The following TLK1 variants were observed in gnomAD, a reference collection of about 807,000 sequenced individuals.
The protein encoded by TLK1 is serine/threonine-protein kinase tousled-like 1.
TLK1 carries 24 observed loss-of-function variants against 105.3 expected under a neutral mutation model. The observed-to-expected ratio is 0.23, with a 90% CI of 0.17 to 0.32. The LOEUF is 0.32. Ranked by LOEUF, TLK1 falls within the 10% of genes least tolerant of loss-of-function variation. TLK1 has a pLI of 1.00. For synonymous variants in TLK1, 321 were observed against 310.4 expected (o/e 1.03, Z -0.36); for missense variants, 558 against 910.5 (o/e 0.61, Z 4.98).
chr2:171,210,060 T>A (rs1693584186), intron 1 of TLK1, among the ~76,000 whole-genome samples: 1 of 152,150 alleles, frequency 6.6e-6, no homozygotes, highest in Non-Finnish European at 1.5e-5. Flanking sequence ...GTGTCATGTC[T>A]TCATTTATGT....
chr2:171,175,008 T>C (rs1033464235), intron 1 of TLK1, among the ~76,000 whole-genome samples: 3 of 152,090 alleles, frequency 2.0e-5, no homozygotes, highest in African/African-American at 7.2e-5. Flanking sequence ...GTTGGGAGGA[T>C]TGCTTGAGGC....
In TLK1 at chr2:171,114,841, A is replaced by G. The variant is rs937393346; in HGVS notation, c.258+2898T>C. ...CAGAGTGAGATCCTGTCTCAGAGGGAAAAAAAAAGAAGAAGAAAGAAACTA... is the reference window on the plus strand; with the variant it reads ...CAGAGTGAGATCCTGTCTCAGAGGGGAAAAAAAAGAAGAAGAAAGAAACTA... On this transcript the variant is annotated intron_variant, in intron 2 of 20. Coordinates refer to ENST00000431350, the MANE Select transcript of TLK1 (RefSeq NM_012290.5). Among the ~76,000 whole-genome samples, 11 of 151,234 alleles carry G rather than the reference A, an allele frequency of 7.3e-5. No homozygotes were observed. In the South Asian group the frequency reaches 1.5e-3, roughly 20 times the overall value.
At chr2:171,129,222 T>G (rs897502606) in intron 1 of TLK1, among the ~76,000 whole-genome samples, 9 of 152,198 alleles carry the variant, frequency 5.9e-5, no homozygotes, top group Admixed American at 5.9e-4. Flanking sequence ...AATAGGTGCT[T>G]CTTGAAATAA....
intron 1 of TLK1, among the ~76,000 whole-genome samples, chr2:171,201,900 T>G (rs749972459): frequency 1.3e-5 from 1 of 76,286 alleles, no homozygotes; most frequent in African/African-American, 5.3e-5. Flanking sequence ...TCAGCTATCA[T>G]CTATCTATCT....
chr2:171,121,163 A>G (rs1690638378), intron 1 of TLK1, among the ~76,000 whole-genome samples: 1 of 152,214 alleles, frequency 6.6e-6, no homozygotes, highest in African/African-American at 2.4e-5. Flanking sequence ...GTAGCACAGT[A>G]TGAATGTACT....
At chr2:171,085,471 A>G (rs1688932645) in intron 2 of TLK1, among the ~76,000 whole-genome samples, 1 of 152,128 alleles carries the variant, frequency 6.6e-6, no homozygotes, top group Admixed American at 6.5e-5. Flanking sequence ...TTAAATGTTC[A>G]ATTAAAAAAA....
At chr2:171,027,883 C>A (rs1456267538) in intron 12 of TLK1, among the ~76,000 whole-genome samples, 2 of 152,130 alleles carry the variant, frequency 1.3e-5, no homozygotes, top group African/African-American at 4.8e-5. Context: ...GTAATTTTGG[C>A]CGGGTGCGAC....
upstream of TLK1, among the ~76,000 whole-genome samples, chr2:171,162,570 A>G (rs1295646458): frequency 3.3e-5 from 5 of 152,148 alleles, no homozygotes; most frequent in African/African-American, 1.2e-4. Context: ...AAAGTGTACA[A>G]TTTGATAAGT....
At chr2:171,146,866 C>T (rs1345742554) in intron 1 of TLK1, among the ~76,000 whole-genome samples, 1 of 152,208 alleles carries the variant, frequency 6.6e-6, no homozygotes, top group Non-Finnish European at 1.5e-5. Flanking sequence ...GAGAACAATG[C>T]TACTGTGATT....
At chr2:171,165,651 G>A (rs938466897), upstream of TLK1, among the ~76,000 whole-genome samples, 15 of 152,138 alleles carry the variant, frequency 9.9e-5, no homozygotes, top group Non-Finnish European at 1.9e-4. Context: ...TGTGGCTCAC[G>A]CCTGTAATCC....
chr2:170,994,694 G>C, intron 20 of TLK1: 1 of 517,940 alleles, frequency 1.9e-6, no homozygotes, highest in Admixed American at 1.9e-5. Flanking sequence ...CCAGGCACTG[G>C]CTCTGTCCCC....
At chr2:171,060,033 T>A (rs1472485611) in intron 4 of TLK1, 1 of 1,609,084 alleles carries the variant, frequency 6.2e-7, no homozygotes, top group Non-Finnish European at 8.5e-7. Flanking sequence ...GAAGTCAAGT[T>A]TACTCCAAAG....
chr2:171,170,734 G>A (rs950150332), intron 1 of TLK1, among the ~76,000 whole-genome samples: 6 of 152,204 alleles, frequency 3.9e-5, no homozygotes, highest in Admixed American at 2.6e-4. Flanking sequence ...ATAAACCTAC[G>A]TTGTTTGGTG....
At chr2:171,057,147 A>T (rs10201988) in intron 5 of TLK1, among the ~76,000 whole-genome samples, 2 of 152,048 alleles carry the variant, frequency 1.3e-5, no homozygotes, top group African/African-American at 2.4e-5. Context: ...AAGCCAACTG[A>T]TCTATTCCAT....
chr2:171,163,438 A>G (rs1692552253), upstream of TLK1, among the ~76,000 whole-genome samples: 1 of 152,202 alleles, frequency 6.6e-6, no homozygotes, highest in Admixed American at 6.5e-5. Flanking sequence ...CTCTTTCTGT[A>G]TTTTTAAGAG....
chr2:171,138,993 A>G (rs1374662935), intron 1 of TLK1, among the ~76,000 whole-genome samples: 1 of 152,222 alleles, frequency 6.6e-6, no homozygotes, highest in Non-Finnish European at 1.5e-5. Flanking sequence ...CAGTATGAGC[A>G]ACTCTAAAAG....
At chr2:171,111,370 G>A (rs1199443327) in intron 2 of TLK1, among the ~76,000 whole-genome samples, 2 of 152,034 alleles carry the variant, frequency 1.3e-5, no homozygotes, top group East Asian at 3.9e-4. Context: ...TCAAGAGTTT[G>A]AGACCAGTCT....
intron 18 of TLK1, among the ~76,000 whole-genome samples, chr2:171,000,088 A>C (rs952931821): frequency 6.6e-6 from 1 of 152,132 alleles, no homozygotes; most frequent in Non-Finnish European, 1.5e-5. Flanking sequence ...TTAAAAAGTT[A>C]ATTACTAGGC....
intron 7 of TLK1, 53 bp downstream of exon 7, chr2:171,055,030 T>TA: frequency 9.7e-7 from 1 of 1,026,942 alleles, no homozygotes; most frequent in Non-Finnish European, 1.4e-6. Context: ...GTTAGTAAGT[T>TA]AGTCAATGGT....
Sources: gnomAD v4.1 joint callset for allele counts (sites outside exome capture counted in the v4.1 genomes callset) on GRCh38, gnomAD v4.1.1 for gene constraint, MANE v1.5 for transcripts, NCBI Gene and HGNC (gene_info 2026-07-23, HGNC 2026-07-21) for gene names.